The following CHST15 variants were observed in gnomAD, a reference collection of about 807,000 sequenced individuals.
CHST15 encodes the protein carbohydrate sulfotransferase 15, also known as B cell RAG associated protein (GALNAC4S-6ST).
Under a neutral mutation model 53.6 loss-of-function variants are expected in CHST15, and 30 were observed. The ratio of observed to expected loss-of-function variants is 0.56; its 90% confidence interval spans 0.42 to 0.76. The LOEUF (loss-of-function observed/expected upper bound fraction) is 0.76, where lower values mean the gene tolerates loss of function less well. CHST15 is among the 30% of genes least tolerant of loss of function. The pLI is 0.00. For synonymous variants in CHST15, 296 were observed against 289.8 expected (o/e 1.02, Z -0.22); for missense variants, 627 against 740.5 (o/e 0.85, Z 1.78).
At chr10:124,076,860 C>T (rs1054208450) in intron 1 of CHST15, among the ~76,000 whole-genome samples, 1 of 152,136 alleles carries the variant, frequency 6.6e-6, no homozygotes, top group Admixed American at 6.5e-5. Context: ...CAGGCGCCTG[C>T]CACCACGCCC....
chr10:124,063,987 A>G (rs1416483921), intron 1 of CHST15, among the ~76,000 whole-genome samples: 4 of 152,236 alleles, frequency 2.6e-5, no homozygotes, highest in African/African-American at 4.8e-5. Context: ...TCAAAAAATA[A>G]TAAGTGGATC....
intron 1 of CHST15, among the ~76,000 whole-genome samples, chr10:124,057,366 G>C (rs574653840): frequency 1.3e-5 from 2 of 152,332 alleles, no homozygotes; most frequent in African/African-American, 4.8e-5. Context: ...TAATCCAAAA[G>C]AGACACAGGG....
rs1947541777 is a variant in CHST15 at position 124,037,471 on chromosome 10, C to T, written c.1190+1044G>A. Among the ~76,000 whole-genome samples the T allele has an allele frequency of 2.0e-5, 3 of 152,198 alleles. No homozygotes were observed. The South Asian group carries it at 6.2e-4, about 32-fold the overall frequency. On this transcript the variant is annotated intron_variant, in intron 5 of 7. Coordinates refer to ENST00000435907, the MANE Select transcript of CHST15 (RefSeq NM_001270764.2). Reference sequence around the variant, plus strand: ...GTCTCAAAATAGGAACACAGCTGTCCTAAGCTACACTGGCCATCTTGCGCG... The same window carrying T: ...GTCTCAAAATAGGAACACAGCTGTCTTAAGCTACACTGGCCATCTTGCGCG...
intron 1 of CHST15, among the ~76,000 whole-genome samples, chr10:124,055,402 G>A (rs1453281555): frequency 6.6e-6 from 1 of 152,148 alleles, no homozygotes; most frequent in African/African-American, 2.4e-5. Flanking sequence ...CTCGGTAAAT[G>A]ACCCGGATTC....
chr10:124,040,650 G>A lies in CHST15; in HGVS notation c.1033+1651C>T, dbSNP rs58464363. Among the ~76,000 whole-genome samples, 978 of 152,278 alleles carry A rather than the reference G, an allele frequency of 6.4e-3. 9 individuals are homozygous for A. The highest frequency in any genetic ancestry group is 0.022 in the African/African-American group (920 of 41,570). On this transcript the variant is annotated intron_variant, in intron 4 of 7. Coordinates refer to ENST00000435907, the MANE Select transcript of CHST15 (RefSeq NM_001270764.2). ...GAGTCACATTTCAGAGCTGGAAGGAGTCTAGAACTGACCTGGTCCAACAAT... is the reference window on the plus strand; with the variant it reads ...GAGTCACATTTCAGAGCTGGAAGGAATCTAGAACTGACCTGGTCCAACAAT...
At chr10:124,056,729 C>A (rs900503726) in intron 1 of CHST15, among the ~76,000 whole-genome samples, 5 of 152,280 alleles carry the variant, frequency 3.3e-5, no homozygotes, top group Admixed American at 6.5e-5. Context: ...ATCAAAGAAG[C>A]CTGGGCTGTG....
rs1193697163 is a variant in CHST15, at chr10:124,042,465, C to G, written c.887-18G>C. 4 of 1,611,382 alleles carry G rather than the reference C, an allele frequency of 2.5e-6. No individual in the cohort carries two copies. The highest frequency in any genetic ancestry group is 3.3e-4 in the Middle Eastern group (2 of 6,074). ...GACGATTCCTATGAGAACCAAGAAGCAGGAGATACTGAGGACAAAGTTGCT... is the reference window on the plus strand; with the variant it reads ...GACGATTCCTATGAGAACCAAGAAGGAGGAGATACTGAGGACAAAGTTGCT... On this transcript the variant is annotated intron_variant, in intron 3 of 7. Transcript: ENST00000435907.
intron 1 of CHST15, among the ~76,000 whole-genome samples, chr10:124,048,379 A>G (rs1250588925): frequency 1.3e-5 from 2 of 152,204 alleles, no homozygotes; most frequent in Non-Finnish European, 2.9e-5. Context: ...GCTGGTCAGT[A>G]GAGGCTGAGA....
intron 7 of CHST15, chr10:124,011,785 C>T (rs1021743152): frequency 1.2e-5 from 12 of 985,044 alleles, no homozygotes; most frequent in African/African-American, 3.5e-5. Flanking sequence ...GCAGCCAAAA[C>T]TCAGCCACAC....
At position 124,010,105 on chromosome 10, in the gene CHST15, T is replaced by C; in HGVS notation, c.*44A>G. The C allele has an allele frequency of 1.9e-6, 3 of 1,611,974 alleles. No homozygotes were observed. Among genetic ancestry groups the C allele is most frequent in the Non-Finnish European group, 2.5e-6 (3 of 1,179,924 alleles). On this transcript the variant is annotated 3_prime_UTR_variant, in exon 8 of 8. Coordinates refer to ENST00000435907, the MANE Select transcript of CHST15 (RefSeq NM_001270764.2). ...AAAGAGATTTGTAAAATCCTGATGATGACGGCATTGGCGGGCCCAGCACGT... is the reference window on the plus strand; with the variant it reads ...AAAGAGATTTGTAAAATCCTGATGACGACGGCATTGGCGGGCCCAGCACGT...
rs999603253 is a variant in CHST15, at chr10:124,007,755, G to A, written c.*2394C>T. On this transcript the variant is annotated 3_prime_UTR_variant, in exon 8 of 8. Coordinates refer to ENST00000435907, the MANE Select transcript of CHST15 (RefSeq NM_001270764.2). ...TGTTAAATATTAATAAAAGTACAGC[G>A]TAACTGCGATTCACTTAACATACCT... The A allele has an allele frequency of 7.3e-6, 9 of 1,230,638 alleles. No homozygotes were observed. Among genetic ancestry groups the A allele is most frequent in the East Asian group, 3.2e-5 (1 of 31,708 alleles). 76.2% of individuals were successfully genotyped at this position (1,230,638 alleles called of 1,614,324 possible).
chr10:124,054,522 T>G (rs1413169643), intron 1 of CHST15, among the ~76,000 whole-genome samples: 1 of 152,182 alleles, frequency 6.6e-6, no homozygotes, highest in Non-Finnish European at 1.5e-5. Flanking sequence ...GCGCCTCCCC[T>G]GCGTCCTGAG....
In CHST15 at chr10:124,045,885, G is replaced by T. The variant is rs372136608; in HGVS notation, c.328C>A (p.Pro110Thr). ...CTGGGGAAGCCTCCGTAATGGAAAG[G>T]TGATGAGATCAGAAGCTCTTGGTGG... ...GAHQELLISS[P>T]FHYGGFPSNP... Residue 110 changes from proline (P) to threonine (T), a missense_variant, in exon 2 of 8, where the codon CCT (proline) becomes ACT (threonine). Coordinates refer to ENST00000435907, the MANE Select transcript of CHST15 (RefSeq NM_001270764.2). The T allele has an allele frequency of 6.2e-7, 1 of 1,614,044 alleles. No individual in the cohort carries two copies. Among genetic ancestry groups the T allele is most frequent in the Non-Finnish European group, 8.5e-7 (1 of 1,179,988 alleles).
chr10:124,069,417 G>A (rs1948845129), intron 1 of CHST15, among the ~76,000 whole-genome samples: 1 of 152,184 alleles, frequency 6.6e-6, no homozygotes, highest in Admixed American at 6.5e-5. Context: ...TGGGGCAGAG[G>A]CACCATGAAC....
chr10:124,060,186 C>A (rs988004532), intron 1 of CHST15, among the ~76,000 whole-genome samples: 3 of 148,436 alleles, frequency 2.0e-5, no homozygotes, highest in African/African-American at 7.5e-5. Flanking sequence ...AGTGTGTGCA[C>A]AGGTGTTCCA....
intron 1 of CHST15, among the ~76,000 whole-genome samples, chr10:124,075,237 C>T (rs61863980): frequency 1.3e-5 from 2 of 152,298 alleles, no homozygotes; most frequent in African/African-American, 2.4e-5. Context: ...TGCATCCCCA[C>T]GGTGGGGAGG....
At chr10:124,065,403 A>G (rs1242763387) in intron 1 of CHST15, among the ~76,000 whole-genome samples, 3 of 152,184 alleles carry the variant, frequency 2.0e-5, no homozygotes, top group South Asian at 2.1e-4. Flanking sequence ...AAAAAAGTAA[A>G]TAAGTAATAA....
At chr10:124,020,186 C>T in intron 6 of CHST15, 1 of 985,572 alleles carries the variant, frequency 1.0e-6, no homozygotes, top group Non-Finnish European at 1.2e-6. Context: ...AAGACAGACC[C>T]ATCACAACAG....
intron 5 of CHST15, among the ~76,000 whole-genome samples, chr10:124,031,162 C>G (rs767401280): frequency 4.6e-5 from 7 of 152,238 alleles, no homozygotes; most frequent in Non-Finnish European, 8.8e-5. Context: ...AGAGATAGCT[C>G]TGAGGGGCTG....
Sources: gnomAD v4.1 joint callset for allele counts (sites outside exome capture counted in the v4.1 genomes callset) on GRCh38, gnomAD v4.1.1 for gene constraint, MANE v1.5 for transcripts, NCBI Gene and HGNC (gene_info 2026-07-23, HGNC 2026-07-21) for gene names.